PLCB2: variants seen among roughly 807,000 people sequenced by gnomAD.
PLCB2 encodes the protein phospholipase C beta 2.
A neutral mutation model predicts 141.7 loss-of-function variants in PLCB2; 115 were observed. The observed-to-expected ratio is 0.81, with a 90% CI of 0.70 to 0.95. The LOEUF is 0.95. Among genes scored for constraint, PLCB2 ranks in the 40% least tolerant of loss-of-function variants. The pLI, the probability that PLCB2 is intolerant of heterozygous loss-of-function variation, is 0.00. For synonymous variants in PLCB2, 603 were observed against 595.6 expected (o/e 1.01, Z -0.18); for missense variants, 1,403 against 1,541.1 (o/e 0.91, Z 1.50).
In PLCB2 at chr15:40,304,103, C is replaced by T. The variant is rs2305644; in HGVS notation, c.85-25G>A. The T allele has an allele frequency of 2.4e-5, 37 of 1,544,036 alleles. No individual in the cohort carries two copies. In the East Asian group the frequency reaches 8.5e-4, roughly 36 times the overall value. ...CCTGCAGAGAGAAGGAGCCAGCACTCTGTTCCAAGACCTCAGGCCAAGCCT... is the reference window on the plus strand; with the variant it reads ...CCTGCAGAGAGAAGGAGCCAGCACTTTGTTCCAAGACCTCAGGCCAAGCCT... On this transcript the variant is annotated intron_variant, in intron 1 of 31. Coordinates refer to ENST00000260402, the MANE Select transcript of PLCB2 (RefSeq NM_004573.3).
At chr15:40,301,503 T>A in intron 7 of PLCB2, 1 of 702,760 alleles carries the variant, frequency 1.4e-6, no homozygotes, top group Non-Finnish European at 2.6e-6. Context: ...GTCTGCATCT[T>A]GGCAGCTTCC....
rs1191144583 is a variant in PLCB2 at position 40,292,994 on chromosome 15, AC to A, written c.2257del (p.Val753TrpfsTer3). 1.2e-6 allele frequency: 2 copies of A among 1,605,148 alleles called. No homozygotes were observed. Among genetic ancestry groups the A allele is most frequent in the African/African-American group, 2.7e-5 (2 of 74,438 alleles). ...CTTGTTGCCTTCCTCCATCACAGCC[AC>A]TCTGAGGGAGGCCAGCTCAGGCATC... ...ILMPELASLR[V>X]AVMEEGNKFL... On this transcript the variant is annotated frameshift_variant, in exon 21 of 32. Transcript: ENST00000260402. LOFTEE classifies it high-confidence loss of function.
Position 40,290,091 on chromosome 15 carries a change from G to A in PLCB2, c.3210-9C>T, listed in dbSNP as rs772318971. 4 of 1,592,744 alleles carry A rather than the reference G, an allele frequency of 2.5e-6. No homozygotes were observed. The highest frequency in any genetic ancestry group is 3.3e-5 in the Admixed American group (2 of 59,990). ...TAATCTCTCTCTTCAACCTGTTGGT[G>A]TAATTGGAGTTTTAGAAAAGGGAGA... is the stretch of plus-strand genomic sequence containing the variant. On this transcript the variant is annotated splice_polypyrimidine_tract_variant and intron_variant, in intron 29 of 31. Coordinates refer to ENST00000260402, the MANE Select transcript of PLCB2 (RefSeq NM_004573.3).
At position 40,296,370 on chromosome 15, in the gene PLCB2, G is replaced by A. The variant is rs777681107; in HGVS notation, c.1622C>T (p.Thr541Met). The A allele has an allele frequency of 1.7e-5, 27 of 1,613,604 alleles. No homozygotes were observed. Among genetic ancestry groups the A allele is most frequent in the East Asian group, 1.3e-4 (6 of 44,884 alleles). Reference sequence around the variant, plus strand: ...TAGGCTGGACATCTCCTCATAAGCCGTCACTTCCAGGCCCGCTGTGCCCTA... The same window carrying A: ...TAGGCTGGACATCTCCTCATAAGCCATCACTTCCAGGCCCGCTGTGCCCTA... ...SDEGTAGLEV[T>M]AYEEMSSLVN... Residue 541 changes from threonine (T) to methionine (M), a missense_variant, in exon 16 of 32, where the codon ACG becomes ATG. Thr to Met is a moderately conservative substitution (Grantham distance 81). Transcript: ENST00000260402.
intron 11 of PLCB2, 68 bp downstream of exon 11, chr15:40,298,155 C>T (rs968271001): frequency 8.7e-6 from 13 of 1,488,994 alleles, no homozygotes; most frequent in Non-Finnish European, 1.1e-5. Context: ...CCTCCAACCC[C>T]TCAAAGCTTC....
At chr15:40,285,126 G>C (rs1181828850), downstream of PLCB2, among the ~76,000 whole-genome samples, 2 of 152,200 alleles carry the variant, frequency 1.3e-5, no homozygotes, top group Non-Finnish European at 2.9e-5. Context: ...CCAGGCTCCG[G>C]GGATGTCCAC....
chr15:40,292,907 GA>G lies in PLCB2; in HGVS notation c.2326+18del. 6.7e-7 allele frequency: 1 copy of G among 1,502,916 alleles called. No homozygotes were observed. The highest frequency in any genetic ancestry group is 9.2e-7 in the Non-Finnish European group (1 of 1,090,268). 93.1% of individuals were successfully genotyped at this position (1,502,916 alleles called of 1,614,324 possible). ...CTCCTGCTGCTGATCTTGGAACAGT[GA>G]AGGACCCCACTCCTTACCAGAATTT... On this transcript the variant is annotated intron_variant, in intron 21 of 31. Transcript: ENST00000260402.
intron 7 of PLCB2, among the ~76,000 whole-genome samples, chr15:40,299,708 G>C (rs1237330646): frequency 6.6e-6 from 1 of 152,112 alleles, no homozygotes; most frequent in Non-Finnish European, 1.5e-5. Flanking sequence ...CCGGGACAAA[G>C]AAAGATAAAT....
chr15:40,296,242 A>AG (rs1181863592), intron 16 of PLCB2, 54 bp downstream of exon 16: 27 of 1,370,574 alleles, frequency 2.0e-5, no homozygotes, highest in Non-Finnish European at 2.6e-5. Flanking sequence ...AGTCCAAGGA[A>AG]GGGGGAGATC....
Position 40,291,173 on chromosome 15 carries a change from G to C in PLCB2, c.2881C>G (p.Arg961Gly), listed in dbSNP as rs1433354783. 2.2e-5 allele frequency: 34 copies of C among 1,571,356 alleles called. No homozygotes were observed. Among genetic ancestry groups the C allele is most frequent in the Non-Finnish European group, 2.9e-5 (34 of 1,166,482 alleles). The change falls in exon 27 of 32, where the codon CGC becomes GGC. Residue 961 changes from arginine to glycine, a missense_variant. Arg to Gly is a moderately radical substitution (Grantham distance 125, BLOSUM62 -2). Transcript: ENST00000260402. Reference sequence around the variant, plus strand: ...GGCGCGGCTCCGGCGCTCTCCTCGCGGGGCAGGCTCCTGGGGAGGCCACGT... The same window carrying C: ...GGCGCGGCTCCGGCGCTCTCCTCGCCGGGCAGGCTCCTGGGGAGGCCACGT... ...KGSRKKRSLP[R>G]EESAGAAPGE...
At position 40,297,952 on chromosome 15, in the gene PLCB2, A is replaced by G. The variant is rs771385038; in HGVS notation, c.1163T>C (p.Ile388Thr). 6.2e-6 allele frequency: 10 copies of G among 1,609,300 alleles called. No individual in the cohort carries two copies. The highest frequency in any genetic ancestry group is 5.1e-6 in the Non-Finnish European group (6 of 1,175,800). Residue 388 changes from isoleucine (I) to threonine (T), a missense_variant, in exon 12 of 32, where the codon ATT (isoleucine) becomes ACT (threonine). By Grantham distance (89) the Ile-to-Thr change is moderately conservative. Around this residue, in one of 4 missense-constraint regions of PLCB2, gnomAD observed 975 missense variants for 1,141.1 expected, o/e 0.85. Coordinates refer to ENST00000260402, the MANE Select transcript of PLCB2 (RefSeq NM_004573.3). This position sits in a 1 kb window ranked among gnomAD's most constrained non-coding sequence, Gnocchi z 4.2. ...MTTDIFFKEA[I>T]EAIAESAFKT... is the part of the protein sequence containing the mutation. Reference sequence around the variant, plus strand: ...AAAGGCGCTTTCTGCAATAGCCTCAATTGCTTCCTGGAGGAGAAGGAGACT... The same window carrying G: ...AAAGGCGCTTTCTGCAATAGCCTCAGTTGCTTCCTGGAGGAGAAGGAGACT...
chr15:40,302,376 A>G (rs753401315), intron 4 of PLCB2, 27 bp from the exon 5 acceptor site: 8 of 1,612,996 alleles, frequency 5.0e-6, no homozygotes, highest in Middle Eastern at 1.6e-4. Context: ...AGCAGCGGTC[A>G]GGCTCCTGAG....
At chr15:40,295,323 G>T in intron 16 of PLCB2, 38 bp from the exon 17 acceptor site, 1 of 1,403,126 alleles carries the variant, frequency 7.1e-7, no homozygotes, top group South Asian at 1.2e-5. Flanking sequence ...AGTTTTATCA[G>T]GCTGTCCCCT....
At chr15:40,295,959 C>T (rs1414555527) in intron 16 of PLCB2, among the ~76,000 whole-genome samples, 1 of 152,192 alleles carries the variant, frequency 6.6e-6, no homozygotes, top group African/African-American at 2.4e-5. Flanking sequence ...TCCACTCCCT[C>T]TCAGGAAGTC....
In PLCB2 at chr15:40,288,928, C is replaced by T; in HGVS notation, c.3355-10G>A. 1 of 1,611,494 alleles carries T rather than the reference C, an allele frequency of 6.2e-7. No homozygotes were observed. Among genetic ancestry groups the T allele is most frequent in the South Asian group, 1.1e-5 (1 of 90,998 alleles). ...GCGCCTCCTTCTGGAACTGTGGAGA[C>T]AGCAAGGACCCCTGCCTGGCTCAGG... On this transcript the variant is annotated splice_polypyrimidine_tract_variant and intron_variant, in intron 31 of 31. Transcript: ENST00000260402.
At chr15:40,289,003 C>T in intron 31 of PLCB2, 85 bp from the exon 32 acceptor site, 10 of 1,540,888 alleles carry the variant, frequency 6.5e-6, no homozygotes, top group Non-Finnish European at 7.8e-6. Context: ...ACAGGAGATG[C>T]CCAATATCCA....
intron 1 of PLCB2, among the ~76,000 whole-genome samples, chr15:40,306,357 A>ACC (rs1252766191): frequency 1.3e-5 from 2 of 152,168 alleles, no homozygotes; most frequent in African/African-American, 2.4e-5. Flanking sequence ...ACAGCCAGGT[A>ACC]CACAGGTGCC....
chr15:40,298,414 C>T (rs1276265866), intron 10 of PLCB2, 34 bp from the exon 11 acceptor site: 1 of 1,572,400 alleles, frequency 6.4e-7, no homozygotes, highest in African/African-American at 1.3e-5. Context: ...GTGAGGGCAT[C>T]ACCCAAAGGC....
In PLCB2 at chr15:40,292,002, C is replaced by A. The variant is rs879061624; in HGVS notation, c.2526+62G>T. ...GCCTGGGACTCGGCCCTCTCCCCAG[C>A]CTCTCCCATAAATAGGGCTAATCTC... On this transcript the variant is annotated intron_variant, in intron 23 of 31. Transcript: ENST00000260402. 28 of 1,604,884 alleles carry A rather than the reference C, an allele frequency of 1.7e-5. No individual in the cohort carries two copies. In the South Asian group the frequency reaches 2.8e-4, roughly 16 times the overall value.
Sources: allele counts gnomAD v4.1 joint callset (sites outside exome capture counted in the v4.1 genomes callset), GRCh38; gene constraint gnomAD v4.1.1; regional missense constraint gnomAD v4.1.1; non-coding constraint Gnocchi (gnomAD v3.1); transcripts MANE v1.5; gene names NCBI Gene and HGNC (gene_info 2026-07-23, HGNC 2026-07-21).